Variants in FAM178B observed in about 807,000 individuals in gnomAD.
FAM178B encodes family with sequence similarity 178 member B.
In FAM178B, 82 loss-of-function variants were observed where a neutral mutation model predicts 91.7. The ratio of observed to expected loss-of-function variants is 0.89; its 90% CI spans 0.75 to 1.07. The LOEUF is 1.07. Among genes scored for constraint, FAM178B ranks in the 50% least tolerant of loss-of-function variants. The probability of loss-of-function intolerance (pLI) is 0.00; values close to 1 mark genes in which losing one functional copy is unlikely to be tolerated. For synonymous variants in FAM178B, 368 were observed against 359.4 expected (o/e 1.02, Z -0.27); for missense variants, 769 against 846.7 (o/e 0.91, Z 1.14).
chr2:96,876,581 G>A (rs1038291454), intron 16 of FAM178B, among the ~76,000 whole-genome samples: 8 of 152,208 alleles, frequency 5.3e-5, no homozygotes, highest in Admixed American at 4.6e-4. Flanking sequence ...CCAGAGGCTG[G>A]TGAGATCTAG....
chr2:96,942,586 G>A (rs553276192), intron 8 of FAM178B, among the ~76,000 whole-genome samples: 8 of 152,046 alleles, frequency 5.3e-5, no homozygotes, highest in African/African-American at 1.7e-4. Context: ...TAGTAGAGAC[G>A]GGGTTTCACT....
chr2:96,943,092 T>C (rs926301520), intron 8 of FAM178B, among the ~76,000 whole-genome samples: 2 of 152,156 alleles, frequency 1.3e-5, no homozygotes, highest in Non-Finnish European at 2.9e-5. Context: ...GATTAGACAA[T>C]GATGTCAGTA....
Position 96,879,223 on chromosome 2 carries a change from C to T in FAM178B, c.1777-730G>A, listed in dbSNP as rs1398081170. On this transcript the variant is annotated intron_variant, in intron 14 of 16. Transcript: ENST00000490605. ...GATTCCCAACTGCTGCCCGCAGGTGCGCCCCTCCACTCAGAGGGCCCTGCT... is the reference window on the plus strand; with the variant it reads ...GATTCCCAACTGCTGCCCGCAGGTGTGCCCCTCCACTCAGAGGGCCCTGCT... Among the ~76,000 whole-genome samples, 5 of 152,220 alleles carry T rather than the reference C, an allele frequency of 3.3e-5. No individual in the cohort carries two copies. The East Asian group carries it at 7.7e-4, about 23-fold the overall frequency.
In FAM178B at chr2:96,911,438, C is replaced by T. The variant is rs571960622; in HGVS notation, c.1563-8731G>A. On this transcript the variant is annotated intron_variant, in intron 12 of 16. Coordinates refer to ENST00000490605, the MANE Select transcript of FAM178B (RefSeq NM_001122646.3). ...TTGGGGTGGCTGCCAAGTTCTAGGACGCGGCAAAAGCGTGGAAGCCTGCAG... is the reference window on the plus strand; with the variant it reads ...TTGGGGTGGCTGCCAAGTTCTAGGATGCGGCAAAAGCGTGGAAGCCTGCAG... 6.6e-5 allele frequency among the ~76,000 whole-genome samples: 10 copies of T among 152,280 alleles called. 1 individual carries two copies. Among genetic ancestry groups the T allele is most frequent in the African/African-American group, 7.2e-5 (3 of 41,560 alleles).
intron 5 of FAM178B, among the ~76,000 whole-genome samples, chr2:96,966,560 C>G (rs910088539): frequency 2.0e-5 from 3 of 152,170 alleles, no homozygotes; most frequent in Non-Finnish European, 4.4e-5. Flanking sequence ...TACAGCAGAG[C>G]CTCGCACATA....
intron 12 of FAM178B, among the ~76,000 whole-genome samples, chr2:96,908,062 T>G (rs2081088005): frequency 6.6e-6 from 1 of 152,184 alleles, no homozygotes; most frequent in Non-Finnish European, 1.5e-5. Context: ...TGCTCGGCAC[T>G]CCTTCCCTGG....
intron 14 of FAM178B, among the ~76,000 whole-genome samples, chr2:96,893,520 CAGA>C (rs2153368518): frequency 6.6e-6 from 1 of 152,178 alleles, no homozygotes; most frequent in South Asian, 2.1e-4. Context: ...GCTCTGCCTA[CAGA>C]AGAAGGGATG....
chr2:96,898,133 GC>G (rs34638877), intron 13 of FAM178B: 2 of 985,206 alleles, frequency 2.0e-6, no homozygotes, highest in Non-Finnish European at 2.4e-6. Context: ...AAACCCCTGT[GC>G]CCCCTTTTAC....
chr2:96,907,035 G>A (rs62152907), intron 12 of FAM178B, among the ~76,000 whole-genome samples: 19,086 of 152,212 alleles, frequency 0.13, 1,296 homozygotes, highest in Middle Eastern at 0.23. Context: ...AAGGGAAGAG[G>A]CGGGCAGGGT....
intron 7 of FAM178B, among the ~76,000 whole-genome samples, chr2:96,948,308 A>ACAATCACAGGGTGGGCCCTCTCTGTGATC (rs2081865190): frequency 6.6e-6 from 1 of 152,244 alleles, no homozygotes. Flanking sequence ...AGGCAGCAGG[A>ACAATCACAGGGTGGGCCCTCTCTGTGATC]CAATCACAGG....
rs533771176 is a variant in FAM178B at position 96,897,423 on chromosome 2, A to G, written c.1651-3372T>C. Among the ~76,000 whole-genome samples, 3 of 152,342 alleles carry G rather than the reference A, an allele frequency of 2.0e-5. No individual in the cohort carries two copies. In the East Asian group the frequency reaches 5.8e-4, roughly 29 times the overall value. On this transcript the variant is annotated intron_variant, in intron 13 of 16. Coordinates refer to ENST00000490605, the MANE Select transcript of FAM178B (RefSeq NM_001122646.3). ...AGCCACCCGAAGCCCACGTTTTCCA[A>G]ATCCCAAACTGGAAGACACACTTTG...
In FAM178B at chr2:96,923,599, A is replaced by G; in HGVS notation, c.1194-16T>C. 1 of 1,548,070 alleles carries G rather than the reference A, an allele frequency of 6.5e-7. No individual in the cohort carries two copies. Among genetic ancestry groups the G allele is most frequent in the East Asian group, 2.4e-5 (1 of 40,890 alleles). On this transcript the variant is annotated splice_polypyrimidine_tract_variant and intron_variant, in intron 9 of 16. Transcript: ENST00000490605. The stretch of plus-strand genomic sequence containing the variant: ...TGGAAGCACCCTGTGGTAAGACAAC[A>G]ACAGTGACGATGGGAAACCCAGGAG...
chr2:96,932,084 G>C (rs2081549132), intron 8 of FAM178B, among the ~76,000 whole-genome samples: 1 of 152,170 alleles, frequency 6.6e-6, no homozygotes, highest in African/African-American at 2.4e-5. Flanking sequence ...AATCAACCTA[G>C]GGCGAGGCCC....
Position 96,891,221 on chromosome 2 carries a change from C to T in FAM178B, c.1776+2705G>A, listed in dbSNP as rs1240666961. Among the ~76,000 whole-genome samples, 3 of 152,322 alleles carry T rather than the reference C, an allele frequency of 2.0e-5. No homozygotes were observed. In the East Asian group the frequency reaches 5.8e-4, roughly 29 times the overall value. On this transcript the variant is annotated intron_variant, in intron 14 of 16. Transcript: ENST00000490605. ...CCTTTGCTGAAGTACTTGGTGCTTT[C>T]CCAGGCAGGACCTCACTAGCTTATA... is the stretch of plus-strand genomic sequence containing the variant.
intron 9 of FAM178B, among the ~76,000 whole-genome samples, chr2:96,926,804 G>C (rs560400901): frequency 6.6e-6 from 1 of 152,342 alleles, no homozygotes; most frequent in South Asian, 2.1e-4. Context: ...AGAAATGTGG[G>C]AAGACTTGTC....
At chr2:96,928,642 T>C in intron 9 of FAM178B, among the ~76,000 whole-genome samples, 1 of 152,172 alleles carries the variant, frequency 6.6e-6, no homozygotes. Context: ...CTGTGAAGTC[T>C]GGGTTTCACC....
At chr2:96,967,378 TAAGAGA>T (rs1318702829) in intron 5 of FAM178B, 136 bp downstream of exon 5, 2 of 597,506 alleles carry the variant, frequency 3.3e-6, no homozygotes, top group African/African-American at 3.7e-5. Context: ...AATGTGGCTT[TAAGAGA>T]AAGAGGTAGC....
At chr2:96,915,950 C>T (rs968511043) in intron 12 of FAM178B, among the ~76,000 whole-genome samples, 2 of 152,208 alleles carry the variant, frequency 1.3e-5, no homozygotes, top group African/African-American at 4.8e-5. Context: ...GGCTTCAAAG[C>T]CTTTTTTCCA....
chr2:96,984,716 AC>A (rs532195602), intron 1 of FAM178B, among the ~76,000 whole-genome samples: 2 of 152,246 alleles, frequency 1.3e-5, no homozygotes, highest in Non-Finnish European at 2.9e-5. Flanking sequence ...CCACAAAGTA[AC>A]ACATTTTTCA....
Sources: allele counts gnomAD v4.1 joint callset (sites outside exome capture counted in the v4.1 genomes callset), GRCh38; gene constraint gnomAD v4.1.1; transcripts MANE v1.5; gene names NCBI Gene and HGNC (gene_info 2026-07-23, HGNC 2026-07-21).